Variants in RALYL observed in about 807,000 individuals in gnomAD.
The protein encoded by RALYL is RNA-binding Raly-like protein.
A neutral mutation model predicts 35.1 loss-of-function variants in RALYL; 29 were observed. That is an observed-to-expected ratio of 0.83 (90% confidence interval 0.61 to 1.13). The LOEUF is 1.13. RALYL is among the 50% of genes most tolerant of loss of function. The pLI, the probability that RALYL is intolerant of heterozygous loss-of-function variation, is 0.00. For synonymous variants in RALYL, 120 were observed against 127.6 expected (o/e 0.94, Z 0.40); for missense variants, 359 against 360.4 (o/e 1.00, Z 0.03).
At position 84,407,555 on chromosome 8, in the gene RALYL, C is replaced by T. The variant is rs2043667037; in HGVS notation, c.-23-121744C>T. ...CTCAAAACTGAACATGTTCAGAACC[C>T]CATATACTTTACATATCTCTTGAGG... On this transcript the variant is annotated intron_variant, in intron 1 of 8. Coordinates refer to ENST00000521268, the MANE Select transcript of RALYL (RefSeq NM_173848.7). Among the ~76,000 whole-genome samples the T allele has an allele frequency of 2.6e-5, 4 of 151,062 alleles. No individual in the cohort carries two copies. The South Asian group carries it at 8.3e-4, about 31-fold the overall frequency.
intron 2 of RALYL, among the ~76,000 whole-genome samples, chr8:84,654,376 A>T (rs1238164182): frequency 6.9e-6 from 1 of 145,528 alleles, no homozygotes; most frequent in Non-Finnish European, 1.5e-5. Flanking sequence ...ATGTGTAATA[A>T]TCACATCAGG....
At chr8:84,745,919 G>C (rs1236598566) in intron 2 of RALYL, among the ~76,000 whole-genome samples, 1 of 151,972 alleles carries the variant, frequency 6.6e-6, no homozygotes, top group East Asian at 1.9e-4. Flanking sequence ...GGTTCAGCCA[G>C]ATTGATGCAA....
intron 2 of RALYL, among the ~76,000 whole-genome samples, chr8:84,607,943 A>C (rs1467652742): frequency 1.3e-5 from 2 of 151,804 alleles, no homozygotes; most frequent in Non-Finnish European, 2.9e-5. Flanking sequence ...TATTAGCTTC[A>C]ACAGACATGT....
At chr8:84,572,476 A>T (rs777956989) in intron 2 of RALYL, among the ~76,000 whole-genome samples, 6 of 151,758 alleles carry the variant, frequency 4.0e-5, no homozygotes, top group Admixed American at 6.6e-5. Flanking sequence ...TATTTCTTGT[A>T]GGGTTGATCT....
intron 2 of RALYL, among the ~76,000 whole-genome samples, chr8:84,589,354 A>C (rs1159547129): frequency 6.6e-6 from 1 of 152,234 alleles, no homozygotes; most frequent in Non-Finnish European, 1.5e-5. Flanking sequence ...CAGCCTGTCC[A>C]GTAAGCCAGT....
intron 1 of RALYL, among the ~76,000 whole-genome samples, chr8:84,382,438 T>C (rs1178512220): frequency 6.6e-6 from 1 of 151,746 alleles, no homozygotes; most frequent in African/African-American, 2.4e-5. Flanking sequence ...CTGTGATGAC[T>C]TGGATTATCA....
intron 1 of RALYL, among the ~76,000 whole-genome samples, chr8:84,486,408 G>A (rs573140189): frequency 9.6e-4 from 145 of 150,890 alleles, no homozygotes; most frequent in African/African-American, 2.9e-3. Context: ...CATTTATTTG[G>A]TTATAATCAT....
At chr8:84,324,260 T>C (rs1845396816) in intron 1 of RALYL, among the ~76,000 whole-genome samples, 1 of 152,120 alleles carries the variant, frequency 6.6e-6, no homozygotes, top group Non-Finnish European at 1.5e-5. Flanking sequence ...ACCAACTGTT[T>C]TGATTCCACA....
chr8:84,411,224 T>C (rs2044066577), intron 1 of RALYL, among the ~76,000 whole-genome samples: 2 of 151,920 alleles, frequency 1.3e-5, no homozygotes, highest in Admixed American at 6.6e-5. Flanking sequence ...TTTCTCCACT[T>C]TCATGCCTAA....
intron 1 of RALYL, among the ~76,000 whole-genome samples, chr8:84,323,066 G>A (rs4607608): frequency 0.96 from 146,747 of 152,094 alleles, 70,834 homozygotes; most frequent in East Asian, 1. Flanking sequence ...GTGAAATAAT[G>A]TTTTTCACAG....
chr8:84,760,216 T>C (rs1015002269), intron 2 of RALYL, among the ~76,000 whole-genome samples: 1 of 152,236 alleles, frequency 6.6e-6, no homozygotes, highest in African/African-American at 2.4e-5. Context: ...AAATTCAACA[T>C]TGAAGATAAA....
chr8:84,824,940 C>T (rs367902381), intron 4 of RALYL, among the ~76,000 whole-genome samples: 14 of 152,032 alleles, frequency 9.2e-5, no homozygotes, highest in South Asian at 2.1e-4. Flanking sequence ...CATCAGCCTT[C>T]GGAAAGAATT....
At chr8:84,683,359 T>C (rs1836030573) in intron 2 of RALYL, among the ~76,000 whole-genome samples, 2 of 152,250 alleles carry the variant, frequency 1.3e-5, no homozygotes, top group South Asian at 2.1e-4. Flanking sequence ...CTATTAGGTC[T>C]GCTTGGTGCA....
At chr8:84,759,547 A>G (rs1301380012) in intron 2 of RALYL, among the ~76,000 whole-genome samples, 1 of 152,162 alleles carries the variant, frequency 6.6e-6, no homozygotes, top group Non-Finnish European at 1.5e-5. Context: ...TAAAATTTTT[A>G]CCTTAAAGTA....
intron 1 of RALYL, among the ~76,000 whole-genome samples, chr8:84,371,047 C>A (rs1341091392): frequency 6.6e-6 from 1 of 151,840 alleles, no homozygotes; most frequent in Non-Finnish European, 1.5e-5. Context: ...ATGATGTGAG[C>A]GAGAGTAAGA....
intron 2 of RALYL, among the ~76,000 whole-genome samples, chr8:84,710,288 TTTTG>T (rs113072612): frequency 2.6e-4 from 39 of 151,874 alleles, no homozygotes; most frequent in African/African-American, 5.1e-4. Context: ...GTTCATATAT[TTTTG>T]TTTGTTTGTT....
chr8:84,310,908 G>A (rs1226206091), intron 1 of RALYL, among the ~76,000 whole-genome samples: 3 of 144,590 alleles, frequency 2.1e-5, no homozygotes, highest in East Asian at 2.0e-4. Flanking sequence ...TTAGCCGGGC[G>A]CGGTGGCGGG....
intron 8 of RALYL, among the ~76,000 whole-genome samples, chr8:84,897,533 T>TA (rs1844961137): frequency 6.6e-6 from 1 of 152,200 alleles, no homozygotes; most frequent in African/African-American, 2.4e-5. Context: ...TTCTTTTTTT[T>TA]AATAAAGATA....
At chr8:84,708,681 A>G (rs1014485384) in intron 2 of RALYL, among the ~76,000 whole-genome samples, 1 of 152,122 alleles carries the variant, frequency 6.6e-6, no homozygotes, top group East Asian at 1.9e-4. Flanking sequence ...TAATAACAAA[A>G]TTTATTTAAC....
Sources: allele counts gnomAD v4.1 joint callset (sites outside exome capture counted in the v4.1 genomes callset), GRCh38; gene constraint gnomAD v4.1.1; transcripts MANE v1.5; gene names NCBI Gene and HGNC (gene_info 2026-07-23, HGNC 2026-07-21).